BACH2: variants seen among roughly 807,000 people sequenced by gnomAD.
The protein encoded by BACH2 is transcription regulator protein BACH2.
A neutral mutation model predicts 61.8 loss-of-function variants in BACH2; 5 were observed. That is an observed-to-expected ratio of 0.08 (90% CI 0.04 to 0.17). The LOEUF is 0.17. Ranked by LOEUF, BACH2 falls within the 10% of genes least tolerant of loss-of-function variation. The pLI, the probability that BACH2 is intolerant of heterozygous loss-of-function variation, is 1.00. For synonymous variants in BACH2, 446 were observed against 440.1 expected (o/e 1.01, Z -0.17); for missense variants, 824 against 1,091.1 (o/e 0.76, Z 3.45).
rs755100835 is a variant in BACH2 at position 89,932,638 on chromosome 6, C to T, written c.2296G>A (p.Val766Met). 28 of 1,613,936 alleles carry T rather than the reference C, an allele frequency of 1.7e-5. No homozygotes were observed. Among genetic ancestry groups the T allele is most frequent in the Admixed American group, 8.3e-5 (5 of 59,992 alleles). ...AASQCAVGEN[V>M]PCCLEPGAAP... ...GCGCCTGGCTCCAAGCAGCAGGGCACGTTTTCCCCCACTGCGCATTGGGAG... is the reference window on the plus strand; with the variant it reads ...GCGCCTGGCTCCAAGCAGCAGGGCATGTTTTCCCCCACTGCGCATTGGGAG... The change falls in exon 9 of 9, where the codon GTG becomes ATG. Residue 766 changes from valine (V) to methionine (M), a missense_variant. Val to Met is a conservative substitution (Grantham distance 21). This residue lies in a region of BACH2 where 135 missense variants were observed against 142.7 expected (regional missense o/e 0.95). Coordinates refer to ENST00000257749, the MANE Select transcript of BACH2 (RefSeq NM_021813.4).
chr6:90,139,136 A>G (rs1183588535), intron 4 of BACH2, among the ~76,000 whole-genome samples: 1 of 152,170 alleles, frequency 6.6e-6, no homozygotes, highest in African/African-American at 2.4e-5. Context: ...TTATGAATCC[A>G]TCACCAGATT....
At chr6:90,244,388 C>T (rs1042651884) in intron 3 of BACH2, among the ~76,000 whole-genome samples, 1 of 152,192 alleles carries the variant, frequency 6.6e-6, no homozygotes, top group Non-Finnish European at 1.5e-5. Flanking sequence ...ACTATTACTG[C>T]TTCCATTTTA....
chr6:90,200,787 T>C (rs1265361471), intron 4 of BACH2, among the ~76,000 whole-genome samples: 1 of 152,194 alleles, frequency 6.6e-6, no homozygotes, highest in Non-Finnish European at 1.5e-5. Context: ...CTTTTTATCA[T>C]GTATATTTTA....
chr6:90,104,386 G>C (rs1782806927), intron 4 of BACH2: 2 of 152,270 alleles, frequency 1.3e-5, no homozygotes, highest in South Asian at 4.1e-4. Flanking sequence ...GCTCCTCTTG[G>C]AGGGTGTGCC....
intron 3 of BACH2, among the ~76,000 whole-genome samples, chr6:90,231,450 G>A (rs2127860356): frequency 1.3e-5 from 2 of 152,252 alleles, no homozygotes; most frequent in South Asian, 4.1e-4. Flanking sequence ...ATGCCATTGA[G>A]TAAAGGTACA....
At chr6:90,147,004 C>T (rs1341908660) in intron 4 of BACH2, among the ~76,000 whole-genome samples, 2 of 151,964 alleles carry the variant, frequency 1.3e-5, no homozygotes, top group African/African-American at 4.8e-5. Context: ...ATTTCTACTG[C>T]TACTTAAATA....
intron 2 of BACH2, among the ~76,000 whole-genome samples, chr6:90,271,153 T>C (rs1345015596): frequency 6.6e-6 from 1 of 152,030 alleles, no homozygotes; most frequent in African/African-American, 2.4e-5. Flanking sequence ...TTCTAGACAT[T>C]GGCTTAGGCA....
At chr6:90,110,766 T>C (rs1783131342) in intron 4 of BACH2, among the ~76,000 whole-genome samples, 1 of 152,234 alleles carries the variant, frequency 6.6e-6, no homozygotes, top group Non-Finnish European at 1.5e-5. Flanking sequence ...TAAGTCATAT[T>C]GGCATTCCAT....
intron 4 of BACH2, among the ~76,000 whole-genome samples, chr6:90,183,157 C>T (rs1298148177): frequency 6.6e-6 from 1 of 152,182 alleles, no homozygotes; most frequent in Admixed American, 6.5e-5. Context: ...TCAGACCAAC[C>T]TTTACCTCCT....
intron 3 of BACH2, among the ~76,000 whole-genome samples, chr6:90,251,298 TAAAG>T (rs1409518486): frequency 2.6e-5 from 4 of 152,258 alleles, no homozygotes; most frequent in East Asian, 1.9e-4. Context: ...CAAATGGAAA[TAAAG>T]AAAAATCACA....
chr6:90,028,253 G>C (rs1000124141), intron 5 of BACH2, among the ~76,000 whole-genome samples: 2 of 152,188 alleles, frequency 1.3e-5, no homozygotes, highest in African/African-American at 4.8e-5. Context: ...ATTATATAAA[G>C]AATGTCTGCT....
Position 89,950,230 on chromosome 6 carries a change from G to T in BACH2, c.1836+40C>A. 1 of 1,611,792 alleles carries T rather than the reference G, an allele frequency of 6.2e-7. No individual in the cohort carries two copies. The highest frequency in any genetic ancestry group is 8.5e-7 in the Non-Finnish European group (1 of 1,178,014). On this transcript the variant is annotated intron_variant, in intron 7 of 8. Transcript: ENST00000257749. The surrounding 1 kb of genome is among the most constrained non-coding windows in gnomAD (Gnocchi z 5.3). ...GGGAGTAGTCCAGATAAAGGGCCTA[G>T]AGAGTGGGTCACATGCTTGAATTTA...
At chr6:89,987,632 A>C (rs1232012613) in intron 6 of BACH2, among the ~76,000 whole-genome samples, 1 of 152,186 alleles carries the variant, frequency 6.6e-6, no homozygotes, top group Non-Finnish European at 1.5e-5. Context: ...TGCCACAAAT[A>C]AGGAAGAACT....
At chr6:90,047,146 T>C (rs1471152757) in intron 5 of BACH2, among the ~76,000 whole-genome samples, 3 of 152,222 alleles carry the variant, frequency 2.0e-5, no homozygotes, top group African/African-American at 7.2e-5. Context: ...GGTCTCGAAC[T>C]CCTGACTTCA....
chr6:89,937,459 T>C (rs1562307103), intron 8 of BACH2, among the ~76,000 whole-genome samples: 1 of 152,194 alleles, frequency 6.6e-6, no homozygotes, highest in Non-Finnish European at 1.5e-5. Flanking sequence ...ATGTGAGGAT[T>C]AAATGGGATC....
At chr6:90,219,801 C>CAA (rs1769677165) in intron 3 of BACH2, among the ~76,000 whole-genome samples, 3 of 150,648 alleles carry the variant, frequency 2.0e-5, no homozygotes. Context: ...CACACACACA[C>CAA]ACACACACAC....
At chr6:90,187,140 T>C (rs1203800779) in intron 4 of BACH2, among the ~76,000 whole-genome samples, 1 of 152,174 alleles carries the variant, frequency 6.6e-6, no homozygotes, top group Non-Finnish European at 1.5e-5. Context: ...AAATCAAGTG[T>C]CTTATTGAGA....
chr6:89,974,097 G>C (rs1775517050), intron 6 of BACH2, among the ~76,000 whole-genome samples: 1 of 152,034 alleles, frequency 6.6e-6, no homozygotes, highest in Non-Finnish European at 1.5e-5. Flanking sequence ...TTGTGACCCT[G>C]GACCTGTTTC....
At chr6:90,045,125 AAATAGAT>A (rs1582257924) in intron 5 of BACH2, among the ~76,000 whole-genome samples, 1 of 152,244 alleles carries the variant, frequency 6.6e-6, no homozygotes, top group African/African-American at 2.4e-5. Context: ...GAGACTGGAC[AAATAGAT>A]AATAAACACA....
Sources: gnomAD v4.1 joint callset for allele counts (sites outside exome capture counted in the v4.1 genomes callset) on GRCh38, gnomAD v4.1.1 for gene constraint, gnomAD v4.1.1 regional missense constraint, Gnocchi (gnomAD v3.1) non-coding constraint, MANE v1.5 for transcripts, NCBI Gene and HGNC (gene_info 2026-07-23, HGNC 2026-07-21) for gene names.